Variants in ADAMTSL1 observed in about 807,000 individuals in gnomAD.
ADAMTSL1 encodes ADAMTS-like protein 1.
ADAMTSL1 carries 126 observed loss-of-function variants against 201.8 expected under a neutral mutation model. The ratio of observed to expected loss-of-function variants is 0.62; its 90% CI spans 0.54 to 0.72. The LOEUF (loss-of-function observed/expected upper bound fraction) is 0.72. ADAMTSL1 is among the 30% of genes least tolerant of loss of function. The pLI is 0.00. For missense variants in ADAMTSL1, 2,679 were observed against 2,277.8 expected (o/e 1.18, Z -3.59); for synonymous variants, 1,121 against 903.4 (o/e 1.24, Z -4.32).
intron 2 of ADAMTSL1, among the ~76,000 whole-genome samples, chr9:18,513,584 G>C (rs958931533): frequency 6.6e-6 from 1 of 152,166 alleles, no homozygotes; most frequent in African/African-American, 2.4e-5. Context: ...ATATTAGGAA[G>C]CTTTGCCCCT....
chr9:18,131,073 C>G (rs1825931190), intron 1 of ADAMTSL1, among the ~76,000 whole-genome samples: 1 of 152,104 alleles, frequency 6.6e-6, no homozygotes, highest in Admixed American at 6.6e-5. Context: ...TAGAGTATGG[C>G]TCAATCTCTG....
intron 1 of ADAMTSL1, among the ~76,000 whole-genome samples, chr9:18,493,193 G>A (rs750005959): frequency 6.6e-6 from 1 of 152,050 alleles, no homozygotes; most frequent in Non-Finnish European, 1.5e-5. Context: ...ATGTTCTCCC[G>A]AGTCCAAAAC....
At chr9:18,850,986 A>G (rs565551954) in intron 23 of ADAMTSL1, among the ~76,000 whole-genome samples, 1 of 152,326 alleles carries the variant, frequency 6.6e-6, no homozygotes, top group South Asian at 2.1e-4. Context: ...GTAGATGCTA[A>G]TAATTGCTAA....
intron 1 of ADAMTSL1, among the ~76,000 whole-genome samples, chr9:18,125,641 G>A (rs1825700987): frequency 6.6e-6 from 1 of 152,064 alleles, no homozygotes; most frequent in Non-Finnish European, 1.5e-5. Context: ...TTTTGCATGT[G>A]GACCTCTAGT....
chr9:18,308,797 A>G (rs910225783), intron 2 of ADAMTSL1, among the ~76,000 whole-genome samples: 6 of 152,192 alleles, frequency 3.9e-5, no homozygotes, highest in African/African-American at 1.4e-4. Context: ...AACTATTCCA[A>G]ACAATAGAAA....
intron 2 of ADAMTSL1, among the ~76,000 whole-genome samples, chr9:18,341,039 C>G (rs1835445449): frequency 6.6e-6 from 1 of 152,126 alleles, no homozygotes; most frequent in South Asian, 2.1e-4. Context: ...TACAGTTTCC[C>G]AACCACTCTG....
At chr9:18,177,412 C>A (rs576831268) in intron 2 of ADAMTSL1, among the ~76,000 whole-genome samples, 4 of 152,088 alleles carry the variant, frequency 2.6e-5, no homozygotes, top group African/African-American at 7.2e-5. Context: ...TAAAACGTTG[C>A]GTCATTTAAT....
intron 1 of ADAMTSL1, among the ~76,000 whole-genome samples, chr9:18,074,511 C>CTTTTCTTTTTTCTT (rs368569922): frequency 3.2e-5 from 3 of 93,582 alleles, no homozygotes; most frequent in Non-Finnish European, 5.7e-5. Context: ...CTTTTCTTTT[C>CTTTTCTTTTTTCTT]TTCTTTTCTT....
intron 23 of ADAMTSL1, among the ~76,000 whole-genome samples, chr9:18,841,953 G>T (rs1484482126): frequency 4.0e-5 from 6 of 150,172 alleles, no homozygotes; most frequent in African/African-American, 1.2e-4. Flanking sequence ...TCTTGCTAGC[G>T]GTCTATCAAT....
chr9:18,694,689 A>T (rs1831443484), intron 13 of ADAMTSL1, among the ~76,000 whole-genome samples: 3 of 152,100 alleles, frequency 2.0e-5, no homozygotes, highest in Admixed American at 1.3e-4. Context: ...GAGTGCCTGC[A>T]GCTTTTCTAG....
At chr9:18,396,509 A>C (rs1817758305) in intron 2 of ADAMTSL1, among the ~76,000 whole-genome samples, 1 of 148,228 alleles carries the variant, frequency 6.7e-6, no homozygotes, top group South Asian at 2.1e-4. Flanking sequence ...AATGAGTGAA[A>C]TTATATATTA....
chr9:18,334,193 G>T (rs1835140045), intron 2 of ADAMTSL1, among the ~76,000 whole-genome samples: 1 of 152,122 alleles, frequency 6.6e-6, no homozygotes, highest in African/African-American at 2.4e-5. Flanking sequence ...AGAAGTGTGT[G>T]CCTAAATGGT....
At chr9:18,298,878 G>T (rs990951577) in intron 2 of ADAMTSL1, among the ~76,000 whole-genome samples, 3 of 152,062 alleles carry the variant, frequency 2.0e-5, no homozygotes, top group East Asian at 1.9e-4. Flanking sequence ...GGTCGTGGTG[G>T]CGGGCGCCTG....
chr9:18,382,860 C>T (rs1184647996), intron 2 of ADAMTSL1, among the ~76,000 whole-genome samples: 1 of 152,126 alleles, frequency 6.6e-6, no homozygotes, highest in Admixed American at 6.5e-5. Context: ...GAGTCTGGTC[C>T]TCTGTACAGA....
rs577432596 is a variant in ADAMTSL1 at position 18,182,014 on chromosome 9, C to T, written c.207+18033C>T. 4.5e-3 allele frequency among the ~76,000 whole-genome samples: 684 copies of T among 152,042 alleles called. 6 individuals carry two copies. The highest frequency in any genetic ancestry group is 0.015 in the African/African-American group (619 of 41,456). On this transcript the variant is annotated intron_variant, in intron 2 of 29. Coordinates refer to the ADAMTSL1 transcript ENST00000680146. ...GGACATGGATGAAATTGGAAATCAT[C>T]ATTCTCAGTAAACTATTGCAAGAAC...
chr9:18,207,415 C>T (rs1829697255), intron 2 of ADAMTSL1, among the ~76,000 whole-genome samples: 1 of 152,082 alleles, frequency 6.6e-6, no homozygotes, highest in South Asian at 2.1e-4. Flanking sequence ...CTAAAATCAC[C>T]CATCCAGTTA....
intron 26 of ADAMTSL1, among the ~76,000 whole-genome samples, chr9:18,895,272 G>A (rs1365743114): frequency 6.6e-6 from 1 of 152,138 alleles, no homozygotes; most frequent in Non-Finnish European, 1.5e-5. Flanking sequence ...TCTTATAGAA[G>A]CATCAAAAAA....
At chr9:18,643,301 T>C (rs1262052964) in intron 7 of ADAMTSL1, among the ~76,000 whole-genome samples, 1 of 152,132 alleles carries the variant, frequency 6.6e-6, no homozygotes, top group Non-Finnish European at 1.5e-5. Context: ...TTGAGTTTCT[T>C]GTATATTTTG....
intron 1 of ADAMTSL1, among the ~76,000 whole-genome samples, chr9:18,495,771 G>A (rs1335649353): frequency 6.6e-6 from 1 of 152,106 alleles, no homozygotes. Context: ...TGAAGGTGGG[G>A]GAGTGATACC....
Sources: allele counts gnomAD v4.1 joint callset (sites outside exome capture counted in the v4.1 genomes callset), GRCh38; gene constraint gnomAD v4.1.1; transcripts MANE v1.5; gene names NCBI Gene and HGNC (gene_info 2026-07-23, HGNC 2026-07-21).